The following TIAM1 variants were observed in gnomAD, a reference collection of about 807,000 sequenced individuals.
TIAM1 encodes TIAM Rac1 associated GEF 1.
Under a neutral mutation model 163.5 loss-of-function variants are expected in TIAM1, and 65 were observed. That is an observed-to-expected ratio of 0.40 (90% confidence interval 0.33 to 0.49). TIAM1 has a LOEUF of 0.49. TIAM1 is among the 20% of genes least tolerant of loss of function. TIAM1 has a pLI of 0.77. For synonymous variants in TIAM1, 833 were observed against 810.1 expected, an observed-to-expected ratio of 1.03 and a Z score of -0.48; for missense variants, 1,789 against 2,044.7, an observed-to-expected ratio of 0.87 and a Z score of 2.41.
rs966450536 is a variant in TIAM1, at chr21:31,533,214, G to A, written c.-422+25713C>T. Reference sequence around the variant, plus strand: ...CACGCACCTGTAATCCCAGCTACTCGGGAGGCTGAGGCAGGAGAATCGCTT... The same window carrying A: ...CACGCACCTGTAATCCCAGCTACTCAGGAGGCTGAGGCAGGAGAATCGCTT... On this transcript the variant is annotated intron_variant, in intron 1 of 28. Coordinates refer to the TIAM1 transcript ENST00000286827. Among the ~76,000 whole-genome samples the A allele has an allele frequency of 7.9e-5, 12 of 152,184 alleles. No individual in the cohort carries two copies. In the South Asian group the frequency reaches 8.3e-4, roughly 11 times the overall value.
intron 16 of TIAM1, 138 bp from the exon 17 acceptor site, chr21:31,154,564 G>T: frequency 1.2e-6 from 1 of 857,082 alleles, no homozygotes; most frequent in Non-Finnish European, 1.7e-6. Context: ...TCCACAAATT[G>T]CTCCACATTT....
At chr21:31,358,295 G>A (rs936299363) in intron 2 of TIAM1, among the ~76,000 whole-genome samples, 8 of 152,100 alleles carry the variant, frequency 5.3e-5, no homozygotes, top group South Asian at 2.1e-4. Context: ...TTCTCCACGC[G>A]GTCCTGCTTG....
intron 2 of TIAM1, among the ~76,000 whole-genome samples, chr21:31,278,424 A>G (rs2073399331): frequency 6.6e-6 from 1 of 152,228 alleles, no homozygotes; most frequent in Non-Finnish European, 1.5e-5. Flanking sequence ...ACAAATACTA[A>G]GGCAAGCAAA....
In TIAM1 at chr21:31,217,540, C is replaced by T. The variant is rs1371938371; in HGVS notation, c.2142+13G>A. 1 of 1,613,032 alleles carries T rather than the reference C, an allele frequency of 6.2e-7. No individual in the cohort carries two copies. Among genetic ancestry groups the T allele is most frequent in the African/African-American group, 1.3e-5 (1 of 74,900 alleles). On this transcript the variant is annotated intron_variant, in intron 9 of 27. Coordinates refer to ENST00000541036, the MANE Select transcript of TIAM1 (RefSeq NM_001353694.2). ...TTTGTGCGGGCTCACTTTTCATCTG[C>T]TCTGGAACCTACCTGATTGATGCTT...
intron 20 of TIAM1, among the ~76,000 whole-genome samples, chr21:31,142,193 CTAA>C (rs1056116586): frequency 1.3e-5 from 2 of 152,090 alleles, no homozygotes; most frequent in African/African-American, 4.8e-5. Flanking sequence ...GAGTGACAAA[CTAA>C]TAATCATCCG....
chr21:31,259,176 C>T (rs2072301765), intron 4 of TIAM1, among the ~76,000 whole-genome samples: 1 of 149,820 alleles, frequency 6.7e-6, no homozygotes, highest in Non-Finnish European at 1.5e-5. Flanking sequence ...TTCTGTCATG[C>T]AGGCTGGTGG....
rs8131630 is a variant in TIAM1 at position 31,406,249 on chromosome 21, C to G, written c.-369+57734G>C. Among the ~76,000 whole-genome samples, 880 of 150,726 alleles carry G rather than the reference C, an allele frequency of 5.8e-3. 12 individuals are homozygous for G. The highest frequency in any genetic ancestry group is 0.02 in the African/African-American group (808 of 41,082). ...GGTTCCCAAGATAAAATCCAGACATCATTATAATTTATTAAACTTTTGAGA... is the reference window on the plus strand; with the variant it reads ...GGTTCCCAAGATAAAATCCAGACATGATTATAATTTATTAAACTTTTGAGA... On this transcript the variant is annotated intron_variant, in intron 2 of 28. Transcript: ENST00000286827.
At chr21:31,240,320 G>A (rs933808351) in intron 6 of TIAM1, among the ~76,000 whole-genome samples, 1 of 152,134 alleles carries the variant, frequency 6.6e-6, no homozygotes, top group Non-Finnish European at 1.5e-5. Context: ...CACAATTCCA[G>A]AAATTAATCT....
At chr21:31,362,410 C>T (rs964384861) in intron 2 of TIAM1, among the ~76,000 whole-genome samples, 29 of 150,980 alleles carry the variant, frequency 1.9e-4, no homozygotes, top group African/African-American at 6.1e-4. Flanking sequence ...CTCTTCATGA[C>T]GAGTCATAGA....
At chr21:31,455,416 A>ATTT (rs35317787) in intron 2 of TIAM1, among the ~76,000 whole-genome samples, 1 of 147,364 alleles carries the variant, frequency 6.8e-6, no homozygotes, top group Non-Finnish European at 1.5e-5. Flanking sequence ...TTTAATTTTA[A>ATTT]TTTTTTTTTT....
chr21:31,223,337 T>C (rs1702773106), intron 8 of TIAM1, 69 bp downstream of exon 8: 1 of 1,489,370 alleles, frequency 6.7e-7, no homozygotes, highest in African/African-American at 1.4e-5. Flanking sequence ...TAGGAGACTC[T>C]TGTCAAGTCC....
intron 1 of TIAM1, among the ~76,000 whole-genome samples, chr21:31,528,937 T>G (rs2047877585): frequency 8.8e-6 from 1 of 113,088 alleles, no homozygotes; most frequent in African/African-American, 3.3e-5. Flanking sequence ...TTCTTTTTTT[T>G]TTTTTTGAGA....
At chr21:31,377,990 G>A (rs2076716489) in intron 2 of TIAM1, among the ~76,000 whole-genome samples, 1 of 151,898 alleles carries the variant, frequency 6.6e-6, no homozygotes, top group Non-Finnish European at 1.5e-5. Flanking sequence ...TACAAAATTA[G>A]TCGAGCATGG....
chr21:31,354,645 C>T (rs1049717298), intron 2 of TIAM1, among the ~76,000 whole-genome samples: 3 of 152,152 alleles, frequency 2.0e-5, no homozygotes, highest in African/African-American at 7.2e-5. Flanking sequence ...CCCAACTTCC[C>T]GGTAAAACAT....
intron 2 of TIAM1, among the ~76,000 whole-genome samples, chr21:31,457,436 T>C (rs2045147353): frequency 6.6e-6 from 1 of 152,188 alleles, no homozygotes; most frequent in African/African-American, 2.4e-5. Flanking sequence ...TCAAGATTCC[T>C]TCCAGTCAAG....
intron 1 of TIAM1, among the ~76,000 whole-genome samples, chr21:31,342,631 C>T (rs913453747): frequency 2.6e-5 from 4 of 152,160 alleles, no homozygotes; most frequent in African/African-American, 7.2e-5. Flanking sequence ...GAGTGAGTTA[C>T]TAAAGGTTCC....
intron 2 of TIAM1, among the ~76,000 whole-genome samples, chr21:31,394,273 C>T (rs1569292831): frequency 2.0e-5 from 3 of 152,174 alleles, no homozygotes; most frequent in Non-Finnish European, 4.4e-5. Flanking sequence ...CACTGTATGA[C>T]TCCAACTACA....
Position 31,182,441 on chromosome 21 carries a change from G to A in TIAM1, c.2867C>T (p.Ala956Val). Residue 956 changes from alanine to valine, a missense_variant, in exon 15 of 28, where the codon GCC becomes GTC. This residue lies in a region of TIAM1 where 303 missense variants were observed against 321.3 expected (regional missense o/e 0.94). Coordinates refer to ENST00000541036, the MANE Select transcript of TIAM1 (RefSeq NM_001353694.2). ...CATACCTGGGTTGCTGGTGAGAAAG[G>A]CGAGGGGGCTCTCGCCAAGGTCGGC... The part of the protein sequence containing the change: ...GPADLGESPL[A>V]FLTSNPGHSL... 1 of 1,587,762 alleles carries A rather than the reference G, an allele frequency of 6.3e-7. No homozygotes were observed. Among genetic ancestry groups the A allele is most frequent in the Admixed American group, 1.8e-5 (1 of 56,180 alleles).
At chr21:31,453,241 A>G (rs766407787) in intron 2 of TIAM1, 6 of 249,516 alleles carry the variant, frequency 2.4e-5, no homozygotes, top group Non-Finnish European at 4.1e-5. Flanking sequence ...GCTTTTTGCA[A>G]TACAGCTGCT....
Sources: gnomAD v4.1 joint callset for allele counts (sites outside exome capture counted in the v4.1 genomes callset) on GRCh38, gnomAD v4.1.1 for gene constraint, gnomAD v4.1.1 regional missense constraint, MANE v1.5 for transcripts, NCBI Gene and HGNC (gene_info 2026-07-23, HGNC 2026-07-21) for gene names.